TELO2: variants seen among roughly 807,000 people sequenced by gnomAD.
TELO2 encodes telomere maintenance 2.
TELO2 carries 71 observed loss-of-function variants against 91.0 expected under a neutral mutation model. The ratio of observed to expected loss-of-function variants is 0.78; its 90% CI spans 0.64 to 0.95. TELO2 has a LOEUF of 0.95. Ranked by LOEUF, TELO2 falls within the 40% of genes least tolerant of loss-of-function variation. The pLI is 0.00. For synonymous variants in TELO2, 584 were observed against 518.9 expected (o/e 1.13, Z -1.71); for missense variants, 1,183 against 1,141.3 (o/e 1.04, Z -0.53).
chr16:1,508,421 G>C (rs990298894), intron 20 of TELO2, among the ~76,000 whole-genome samples: 3 of 152,228 alleles, frequency 2.0e-5, no homozygotes, highest in South Asian at 2.1e-4. Flanking sequence ...GTGAGCCACC[G>C]CGCCCGGCCA....
At chr16:1,509,561 C>T (rs2141081375) in intron 20 of TELO2, among the ~76,000 whole-genome samples, 1 of 152,382 alleles carries the variant, frequency 6.6e-6, no homozygotes, top group East Asian at 1.9e-4. Context: ...TCCCGGGTTC[C>T]CCGGTTGTGC....
Position 1,500,500 on chromosome 16 carries a change from G to A in TELO2, c.1144+12G>A, listed in dbSNP as rs750075901. 6.2e-7 allele frequency: 1 copy of A among 1,610,064 alleles called. No homozygotes were observed. The highest frequency in any genetic ancestry group is 1.7e-5 in the Admixed American group (1 of 59,762). ...GGACAGCCGGGATGGTGAGCGGGTG[G>A]TTTGGGCTCCCCCCGGCCTCGGGCG... On this transcript the variant is annotated intron_variant, in intron 8 of 20. Transcript: ENST00000262319.
intron 3 of TELO2, among the ~76,000 whole-genome samples, chr16:1,496,352 C>T (rs911105532): frequency 1.3e-5 from 2 of 152,226 alleles, no homozygotes; most frequent in Non-Finnish European, 2.9e-5. Flanking sequence ...GCCCAAGCCC[C>T]CTCGCCTCAC....
In TELO2 at chr16:1,505,722, CT is replaced by C. The variant is rs1303192527; in HGVS notation, c.2034+124del. 3.6e-5 allele frequency: 46 copies of C among 1,269,220 alleles called. No individual in the cohort carries two copies. The highest frequency in any genetic ancestry group is 4.6e-5 in the Non-Finnish European group (43 of 937,244). 78.6% of individuals were successfully genotyped at this position (1,269,220 alleles called of 1,614,324 possible). A position where few individuals can be genotyped will look rare whatever the true frequency, so the allele number is the denominator to read the frequency against. On this transcript the variant is annotated intron_variant, in intron 16 of 20. Coordinates refer to ENST00000262319, the MANE Select transcript of TELO2 (RefSeq NM_016111.4). This position sits in a 1 kb window ranked among gnomAD's most constrained non-coding sequence, Gnocchi z 4.3. ...CGGCCACATTCGCTGGGGATGGTGC[CT>C]TTGCCGGGATTCCTGAAAGGCAGGG...
At chr16:1,506,873 G>C in intron 17 of TELO2, 79 bp from the exon 18 acceptor site, 2 of 1,479,430 alleles carry the variant, frequency 1.4e-6, no homozygotes, top group Non-Finnish European at 1.8e-6. Flanking sequence ...GGCTCCCTCG[G>C]TCTCCCACGG....
Position 1,494,602 on chromosome 16 carries a change from C to G in TELO2, c.321C>G (p.Ile107Met), listed in dbSNP as rs537093632. The G allele has an allele frequency of 1.2e-6, 2 of 1,612,492 alleles. No homozygotes were observed. The highest frequency in any genetic ancestry group is 2.2e-5 in the East Asian group (1 of 44,834). ...CCTTCCTGGTGTTGATGGAGACCAT[C>G]GAGGGTGCTGCGGGGTGAGTGGGCT... ...DQAFLVLMET[I>M]EGAAGPSFRL... The change falls in exon 2 of 21, where the codon ATC becomes ATG. Residue 107 changes from isoleucine to methionine, a missense_variant. Transcript: ENST00000262319. This position sits in a 1 kb window ranked among gnomAD's most constrained non-coding sequence, Gnocchi z 5.6.
At chr16:1,499,421 G>A in intron 6 of TELO2, 88 bp downstream of exon 6, 1 of 1,429,738 alleles carries the variant, frequency 7.0e-7, no homozygotes, top group Non-Finnish European at 9.8e-7. Flanking sequence ...GGTGTCTGCT[G>A]CCTGGGAGAC....
At chr16:1,501,902 G>A in intron 11 of TELO2, 129 bp downstream of exon 11, 1 of 1,435,274 alleles carries the variant, frequency 7.0e-7, no homozygotes, top group Non-Finnish European at 9.7e-7. Context: ...CCTCATGTGA[G>A]GGCCCGCAGC....
chr16:1,503,572 G>A (rs1173944714), intron 15 of TELO2, among the ~76,000 whole-genome samples: 4 of 152,204 alleles, frequency 2.6e-5, no homozygotes, highest in Non-Finnish European at 5.9e-5. Flanking sequence ...ACTCTGATAC[G>A]CACTGCCACA....
At chr16:1,496,157 C>A (rs2039485301) in intron 3 of TELO2, among the ~76,000 whole-genome samples, 1 of 152,222 alleles carries the variant, frequency 6.6e-6, no homozygotes, top group African/African-American at 2.4e-5. Flanking sequence ...TCCCGAGCTC[C>A]AGGCGACAGC....
chr16:1,503,068 A>C, intron 15 of TELO2, 66 bp downstream of exon 15: 1 of 1,566,072 alleles, frequency 6.4e-7, no homozygotes, highest in Non-Finnish European at 8.7e-7. Context: ...GGGCTGCCAA[A>C]ACCTGGGTCT....
In TELO2 at chr16:1,502,296, C is replaced by T; in HGVS notation, c.1562-17C>T. The T allele has an allele frequency of 6.3e-7, 1 of 1,593,302 alleles. No individual in the cohort carries two copies. Among genetic ancestry groups the T allele is most frequent in the Non-Finnish European group, 8.5e-7 (1 of 1,170,772 alleles). Reference sequence around the variant, plus strand: ...TCAGGGCTGAGGCTGACCGAGGCCTCTCTGGGTTCTGTGCAGCCCTGACCA... The same window carrying T: ...TCAGGGCTGAGGCTGACCGAGGCCTTTCTGGGTTCTGTGCAGCCCTGACCA... On this transcript the variant is annotated splice_polypyrimidine_tract_variant and intron_variant, in intron 12 of 20. Transcript: ENST00000262319.
At chr16:1,506,732 G>C in intron 17 of TELO2, 3 of 1,395,012 alleles carry the variant, frequency 2.2e-6, no homozygotes, top group Non-Finnish European at 2.8e-6. Flanking sequence ...TGGGGGTCTC[G>C]GCGTTGGGAA....
chr16:1,504,433 C>CAAAAAAAAA (rs1197074771), intron 15 of TELO2, among the ~76,000 whole-genome samples: 3 of 26,916 alleles, frequency 1.1e-4, no homozygotes, highest in Non-Finnish European at 2.4e-4. Context: ...GACTCCATCT[C>CAAAAAAAAA]AAAAAAAAAA....
Position 1,497,184 on chromosome 16 carries a change from C to T in TELO2, c.682+80C>T, listed in dbSNP as rs1333929829. On this transcript the variant is annotated intron_variant, in intron 4 of 20. Coordinates refer to ENST00000262319, the MANE Select transcript of TELO2 (RefSeq NM_016111.4). This position sits in a 1 kb window ranked among gnomAD's most constrained non-coding sequence, Gnocchi z 4.0. ...GCCTTCTGCAGAAGGCCGAGAATCCCTCCTGACCCTGGCCCTCTGCAGGGT... is the reference window on the plus strand; with the variant it reads ...GCCTTCTGCAGAAGGCCGAGAATCCTTCCTGACCCTGGCCCTCTGCAGGGT... 3.2e-6 allele frequency: 5 copies of T among 1,575,222 alleles called. No individual in the cohort carries two copies. Among genetic ancestry groups the T allele is most frequent in the Non-Finnish European group, 4.3e-6 (5 of 1,154,304 alleles).
intron 3 of TELO2, among the ~76,000 whole-genome samples, 190 bp from the exon 4 acceptor site, chr16:1,496,846 T>A (rs991554598): frequency 6.6e-6 from 1 of 152,222 alleles, no homozygotes; most frequent in East Asian, 1.9e-4. Flanking sequence ...GAAAGGATTG[T>A]GATTTGCTTG....
chr16:1,506,583 C>T (rs2039900396), intron 17 of TELO2: 1 of 1,408,120 alleles, frequency 7.1e-7, no homozygotes, highest in African/African-American at 1.4e-5. Context: ...GTGCCGCCCG[C>T]ACGTGCCCGA....
At chr16:1,500,037 C>T (rs1200173354) in intron 6 of TELO2, 59 bp from the exon 7 acceptor site, 5 of 1,559,922 alleles carry the variant, frequency 3.2e-6, no homozygotes, top group African/African-American at 1.4e-5. Flanking sequence ...GCCTTGGGAG[C>T]CCCGGGCTGG....
chr16:1,502,047 C>T lies in TELO2; in HGVS notation c.1473C>T (p.Ser491=), dbSNP rs764634592. 2.2e-5 allele frequency: 35 copies of T among 1,613,208 alleles called. No individual in the cohort carries two copies. The highest frequency in any genetic ancestry group is 1.1e-4 in the East Asian group (5 of 44,896). Residue 491 remains serine, a splice_region_variant and synonymous_variant, in exon 12 of 21, where the codon AGC becomes AGT. Coordinates refer to ENST00000262319, the MANE Select transcript of TELO2 (RefSeq NM_016111.4). ...QLAGSDSDLD[S]DDEFVPYDMS... The stretch of plus-strand genomic sequence containing the variant: ...TCATGTCTGCTTTGCTCTCCCACAG[C>T]GATGATGAGTTTGTCCCCTACGACA...
Sources: allele counts gnomAD v4.1 joint callset (sites outside exome capture counted in the v4.1 genomes callset), GRCh38; gene constraint gnomAD v4.1.1; non-coding constraint Gnocchi (gnomAD v3.1); transcripts MANE v1.5; gene names NCBI Gene and HGNC (gene_info 2026-07-23, HGNC 2026-07-21).